G2E3: variants seen among roughly 807,000 people sequenced by gnomAD.
G2E3 encodes G2/M phase-specific E3 ubiquitin-protein ligase.
Under a neutral mutation model 92.8 loss-of-function variants are expected in G2E3, and 35 were observed. The observed-to-expected ratio is 0.38, with a 90% CI of 0.29 to 0.50. G2E3 has a LOEUF of 0.50. G2E3 is among the 20% of genes least tolerant of loss of function. The pLI is 0.94. For synonymous variants in G2E3, 242 were observed against 272.4 expected (o/e 0.89, Z 1.10); for missense variants, 554 against 823.8 (o/e 0.67, Z 4.01).
At chr14:30,577,008 T>C (rs1200775097) in intron 1 of G2E3, among the ~76,000 whole-genome samples, 1 of 151,944 alleles carries the variant, frequency 6.6e-6, no homozygotes, top group Non-Finnish European at 1.5e-5. Flanking sequence ...AGGCGGATCA[T>C]GAGGTCAAGA....
intron 3 of G2E3, among the ~76,000 whole-genome samples, chr14:30,587,022 C>T (rs117840204): frequency 0.019 from 2,946 of 152,006 alleles, 52 homozygotes; most frequent in Middle Eastern, 0.034. Flanking sequence ...ATCATTATTT[C>T]GTGTTTGTTT....
chr14:30,560,722 T>C (rs1879044580), intron 1 of G2E3: 2 of 668,588 alleles, frequency 3.0e-6, no homozygotes, highest in African/African-American at 1.8e-5. Flanking sequence ...TCAGAATTTA[T>C]TGTGTATACA....
At chr14:30,585,023 A>G (rs1296509017) in intron 2 of G2E3, among the ~76,000 whole-genome samples, 2 of 151,502 alleles carry the variant, frequency 1.3e-5, no homozygotes, top group African/African-American at 2.4e-5. Flanking sequence ...TTTAGTAGAG[A>G]TGGGGTTTCA....
At position 30,586,698 on chromosome 14, in the gene G2E3, A is replaced by G. The variant is rs751673838; in HGVS notation, c.38-20A>G. The G allele has an allele frequency of 1.3e-5, 11 of 829,214 alleles. No homozygotes were observed. Among genetic ancestry groups the G allele is most frequent in the Non-Finnish European group, 1.9e-5 (10 of 522,478 alleles). 51.4% of individuals were successfully genotyped at this position (829,214 alleles called of 1,614,324 possible). Reference sequence around the variant, plus strand: ...AATATTTAAATATATTTTTATATCTATTTACTTTTTCACTGTTAGCTTGTG... The same window carrying G: ...AATATTTAAATATATTTTTATATCTGTTTACTTTTTCACTGTTAGCTTGTG... On this transcript the variant is annotated intron_variant, in intron 2 of 14. Transcript: ENST00000206595.
At chr14:30,565,328 G>A (rs1178794778) in intron 1 of G2E3, among the ~76,000 whole-genome samples, 1 of 151,942 alleles carries the variant, frequency 6.6e-6, no homozygotes, top group Non-Finnish European at 1.5e-5. Context: ...TTGTCTTTTT[G>A]TTGTTGCATT....
chr14:30,566,566 T>C (rs750508147), intron 1 of G2E3, among the ~76,000 whole-genome samples: 2 of 152,238 alleles, frequency 1.3e-5, no homozygotes, highest in Non-Finnish European at 2.9e-5. Flanking sequence ...ACAACTGATA[T>C]TTGTGTGTTG....
At chr14:30,586,686 AT>A in intron 2 of G2E3, 31 bp from the exon 3 acceptor site, 1 of 725,082 alleles carries the variant, frequency 1.4e-6, no homozygotes, top group Non-Finnish European at 2.3e-6. Context: ...ATTTAAATAT[AT>A]TTTTATATCT....
intron 12 of G2E3, chr14:30,611,986 A>G: frequency 2.4e-6 from 1 of 411,038 alleles, no homozygotes; most frequent in East Asian, 4.6e-5. Context: ...AGTTTCACGT[A>G]GTAAAGTGGC....
chr14:30,605,868 A>T, intron 11 of G2E3, 56 bp downstream of exon 11: 1 of 891,562 alleles, frequency 1.1e-6, no homozygotes, highest in South Asian at 2.0e-5. Flanking sequence ...AGAAAAAGAG[A>T]TAGATAGCTG....
intron 3 of G2E3, among the ~76,000 whole-genome samples, chr14:30,587,576 CATG>C (rs1263410668): frequency 2.6e-5 from 4 of 152,170 alleles, no homozygotes; most frequent in African/African-American, 7.2e-5. Context: ...CTCAGAGTCT[CATG>C]ATATTATCAT....
At chr14:30,603,633 G>A (rs1360503073) in intron 10 of G2E3, among the ~76,000 whole-genome samples, 1 of 152,138 alleles carries the variant, frequency 6.6e-6, no homozygotes, top group African/African-American at 2.4e-5. Context: ...TTTGAACCCT[G>A]GAGTTCGAAA....
intron 13 of G2E3, among the ~76,000 whole-genome samples, chr14:30,614,077 A>G (rs1431525286): frequency 2.6e-5 from 4 of 152,120 alleles, no homozygotes; most frequent in Admixed American, 6.5e-5. Flanking sequence ...TATAGTTCCA[A>G]AGTCAAATGT....
intron 1 of G2E3, among the ~76,000 whole-genome samples, chr14:30,579,871 A>G (rs1056791395): frequency 1.3e-5 from 2 of 152,224 alleles, no homozygotes; most frequent in African/African-American, 2.4e-5. Flanking sequence ...GAGATTGCAC[A>G]TACATTGTAC....
chr14:30,560,015 C>T (rs148969508), intron 1 of G2E3: 1 of 152,100 alleles, frequency 6.6e-6, no homozygotes, highest in East Asian at 1.9e-4. Flanking sequence ...TTTTCGCCTC[C>T]CTCATTCATT....
intron 3 of G2E3, among the ~76,000 whole-genome samples, chr14:30,587,613 G>A (rs996753932): frequency 2.0e-5 from 3 of 152,192 alleles, no homozygotes; most frequent in African/African-American, 7.2e-5. Context: ...TACAGCTGAA[G>A]ACTTTACTAG....
intron 2 of G2E3, among the ~76,000 whole-genome samples, chr14:30,585,690 T>G (rs1048098472): frequency 6.6e-6 from 1 of 152,076 alleles, no homozygotes; most frequent in Non-Finnish European, 1.5e-5. Context: ...CATTCTCTAT[T>G]TTGATTATAT....
intron 2 of G2E3, among the ~76,000 whole-genome samples, chr14:30,584,266 C>T (rs1292627505): frequency 2.0e-5 from 3 of 152,126 alleles, no homozygotes; most frequent in Non-Finnish European, 4.4e-5. Flanking sequence ...TTTTGTTTAT[C>T]CACTTATCCA....
chr14:30,583,903 A>G (rs1880567781), intron 2 of G2E3, among the ~76,000 whole-genome samples: 3 of 152,302 alleles, frequency 2.0e-5, no homozygotes, highest in African/African-American at 7.2e-5. Context: ...TTTGAGATAT[A>G]CAGTTTGGTG....
In G2E3 at chr14:30,581,125, CTG is replaced by C. The variant is rs753999832; in HGVS notation, c.37+11_37+12del. The C allele has an allele frequency of 1.7e-5, 24 of 1,414,542 alleles. No individual in the cohort carries two copies. Among genetic ancestry groups the C allele is most frequent in the South Asian group, 2.3e-5 (2 of 85,360 alleles). 87.6% of individuals were successfully genotyped at this position (1,414,542 alleles called of 1,614,324 possible). ...TGACTCACAGAACCTTGGTAAGTAA[CTG>C]TATTTAAAATAATTTTATTACAATG... On this transcript the variant is annotated intron_variant, in intron 2 of 14. Transcript: ENST00000206595.
Sources: allele counts gnomAD v4.1 joint callset (sites outside exome capture counted in the v4.1 genomes callset), GRCh38; gene constraint gnomAD v4.1.1; transcripts MANE v1.5; gene names NCBI Gene and HGNC (gene_info 2026-07-23, HGNC 2026-07-21).